Variants in GLMN observed in about 807,000 individuals in gnomAD.
The protein encoded by GLMN is glomulin, FKBP associated protein.
In GLMN, 75 loss-of-function variants were observed where a neutral mutation model predicts 87.8. The ratio of observed to expected loss-of-function variants is 0.85; its 90% CI spans 0.71 to 1.04. GLMN has a LOEUF of 1.04. Ranked by LOEUF, GLMN falls within the 50% of genes least tolerant of loss-of-function variation. GLMN has a pLI of 0.00. For missense variants in GLMN, 588 were observed against 658.8 expected, an observed-to-expected ratio of 0.89 and a Z score of 1.18; for synonymous variants, 206 against 221.6, an observed-to-expected ratio of 0.93 and a Z score of 0.63.
At chr1:92,363,358 G>A in the GLMN span, among the ~76,000 whole-genome samples, 1 of 152,198 alleles carries the variant, frequency 6.6e-6, no homozygotes, top group African/African-American at 2.4e-5. Flanking sequence ...GAGGCACAAG[G>A]AAATGTGATC....
At chr1:92,292,901 G>A (rs1056096566) in intron 3 of GLMN, among the ~76,000 whole-genome samples, 4 of 151,732 alleles carry the variant, frequency 2.6e-5, no homozygotes, top group Non-Finnish European at 4.4e-5. Flanking sequence ...GCACACGCTT[G>A]TAGCCCCAGC....
At chr1:92,317,023 G>T in the GLMN span, among the ~76,000 whole-genome samples, 18 of 152,170 alleles carry the variant, frequency 1.2e-4, no homozygotes, top group African/African-American at 4.1e-4. Context: ...AAAGTATATT[G>T]AGTTCCTGTG....
chr1:92,286,218 G>A (rs1648729586), intron 7 of GLMN, among the ~76,000 whole-genome samples: 1 of 150,372 alleles, frequency 6.7e-6, no homozygotes, highest in Non-Finnish European at 1.5e-5. Context: ...GAAAAAGGTA[G>A]ATTACAAGAT....
At chr1:92,273,962 T>C (rs1333451930) in intron 7 of GLMN, among the ~76,000 whole-genome samples, 1 of 152,156 alleles carries the variant, frequency 6.6e-6, no homozygotes, top group African/African-American at 2.4e-5. Flanking sequence ...AATGTTCCTG[T>C]ACTACAGCCT....
intron 8 of GLMN, among the ~76,000 whole-genome samples, chr1:92,271,057 G>C (rs901296418): frequency 1.3e-5 from 2 of 152,130 alleles, no homozygotes; most frequent in Non-Finnish European, 2.9e-5. Flanking sequence ...TTCTTTTAAG[G>C]CTTCGCTTTC....
chr1:92,306,604 A>G, the GLMN span, among the ~76,000 whole-genome samples: 55 of 152,226 alleles, frequency 3.6e-4, 1 homozygote, highest in African/African-American at 1.2e-3. Flanking sequence ...GCTCACACCT[A>G]TAATTCCAGC....
At chr1:92,351,323 AAAAAAG>A in the GLMN span, among the ~76,000 whole-genome samples, 26 of 151,688 alleles carry the variant, frequency 1.7e-4, no homozygotes, top group East Asian at 7.7e-4. Context: ...AAAAAAAAAA[AAAAAAG>A]AAAGGACCAT....
chr1:92,321,776 C>G, the GLMN span, among the ~76,000 whole-genome samples: 1 of 151,970 alleles, frequency 6.6e-6, no homozygotes, highest in Non-Finnish European at 1.5e-5. Context: ...CTAACTTGTT[C>G]TGCTATGACT....
the GLMN span, among the ~76,000 whole-genome samples, chr1:92,344,030 T>C: frequency 1.3e-5 from 2 of 152,222 alleles, no homozygotes; most frequent in Non-Finnish European, 2.9e-5. Context: ...TACTGTGAAG[T>C]AGATGTGTAT....
At chr1:92,252,433 TGTGTCTA>T (rs1220952636) in intron 16 of GLMN, among the ~76,000 whole-genome samples, 1 of 152,272 alleles carries the variant, frequency 6.6e-6, no homozygotes, top group Admixed American at 6.5e-5. Flanking sequence ...AATAGTCACA[TGTGTCTA>T]CTGTCTACTG....
At chr1:92,333,709 G>C in the GLMN span, among the ~76,000 whole-genome samples, 1 of 152,098 alleles carries the variant, frequency 6.6e-6, no homozygotes, top group African/African-American at 2.4e-5. Context: ...TGAGATTGTG[G>C]GTTTAGAAGA....
At position 92,246,636 on chromosome 1, in the gene GLMN, G is replaced by C; in HGVS notation, c.1679C>G (p.Ser560Ter). ...PPEMQLKVLHSALFTFDLIES... is the reference protein window; with the variant it reads ...PPEMQLKVLH Reference sequence around the variant, plus strand: ...AATCAAATCAAATGTGAAAAGAGCTGAATGCAGGACCTGCAATGCCAAGAA... The same window carrying C: ...AATCAAATCAAATGTGAAAAGAGCTCAATGCAGGACCTGCAATGCCAAGAA... Residue 560 changes from serine to a stop codon, truncating the protein, a stop_gained, in exon 19 of 19, where the codon TCA becomes TGA. Transcript: ENST00000370360. LOFTEE classifies it high-confidence loss of function. 6.5e-7 allele frequency: 1 copy of C among 1,547,074 alleles called. No homozygotes were observed. Among genetic ancestry groups the C allele is most frequent in the South Asian group, 1.1e-5 (1 of 89,800 alleles).
At position 92,298,870 on chromosome 1, in the gene GLMN, C is replaced by T. The variant is rs1571001916; in HGVS notation, c.-31+55G>A. The T allele has an allele frequency of 7.4e-6, 3 of 404,140 alleles. No individual in the cohort carries two copies. The East Asian group carries it at 1.1e-4, about 14-fold the overall frequency. The allele number at this position is 404,140 out of a possible 1,614,324, so 25.0% of individuals were successfully genotyped here. ...GCCCGCAGCACCAAGTCCGCCGCGG[C>T]TCACGGCCAACCGCGAGCCCTGGCC... On this transcript the variant is annotated intron_variant, in intron 1 of 18. Coordinates refer to ENST00000370360, the MANE Select transcript of GLMN (RefSeq NM_053274.3).
At chr1:92,362,685 A>T in the GLMN span, among the ~76,000 whole-genome samples, 2 of 152,188 alleles carry the variant, frequency 1.3e-5, no homozygotes, top group Non-Finnish European at 2.9e-5. Flanking sequence ...ACATTACAGT[A>T]ATTGAATCTC....
upstream of GLMN, among the ~76,000 whole-genome samples, chr1:92,302,521 A>G (rs1386492064): frequency 6.8e-6 from 1 of 147,748 alleles, no homozygotes; most frequent in Non-Finnish European, 1.5e-5. Context: ...CAATTTTCTT[A>G]TTTCAAAAAC....
chr1:92,323,651 A>G, the GLMN span: 1 of 1,613,436 alleles, frequency 6.2e-7, no homozygotes, highest in Admixed American at 1.7e-5. Flanking sequence ...CAGCTGCACC[A>G]AAAAAGCATA....
the GLMN span, among the ~76,000 whole-genome samples, chr1:92,358,133 C>T: frequency 1.3e-5 from 2 of 152,144 alleles, no homozygotes; most frequent in African/African-American, 4.8e-5. Context: ...TACTATCTTC[C>T]ACCTTGCGTC....
chr1:92,325,177 GA>G, the GLMN span, among the ~76,000 whole-genome samples: 1 of 152,006 alleles, frequency 6.6e-6, no homozygotes, highest in Non-Finnish European at 1.5e-5. Flanking sequence ...ATACTCCCTG[GA>G]AAATGAAGTC....
the GLMN span, among the ~76,000 whole-genome samples, chr1:92,325,458 C>T: frequency 2.0e-5 from 3 of 152,220 alleles, no homozygotes; most frequent in South Asian, 4.2e-4. Flanking sequence ...TGTCACTGAG[C>T]TGCATAAACC....
Sources: gnomAD v4.1 joint callset for allele counts (sites outside exome capture counted in the v4.1 genomes callset) on GRCh38, gnomAD v4.1.1 for gene constraint, MANE v1.5 for transcripts, NCBI Gene and HGNC (gene_info 2026-07-23, HGNC 2026-07-21) for gene names.